The following CYP4A22 variants were observed in gnomAD, a reference collection of about 807,000 sequenced individuals.
CYP4A22 encodes cytochrome P450 4A22.
CYP4A22 carries 46 observed loss-of-function variants against 56.2 expected under a neutral mutation model. The ratio of observed to expected loss-of-function variants is 0.82; its 90% CI spans 0.65 to 1.05. The LOEUF (loss-of-function observed/expected upper bound fraction) is 1.05. CYP4A22 is among the 50% of genes least tolerant of loss of function. The pLI, the probability that CYP4A22 is intolerant of heterozygous loss-of-function variation, is 0.00. For synonymous variants in CYP4A22, 193 were observed against 251.1 expected, an observed-to-expected ratio of 0.77 and a Z score of 2.19; for missense variants, 541 against 645.9, an observed-to-expected ratio of 0.84 and a Z score of 1.76.
Position 47,140,853 on chromosome 1 carries a change from T to G in CYP4A22, c.269T>G (p.Ile90Arg), listed in dbSNP as rs745974402. The G allele has an allele frequency of 1.3e-5, 21 of 1,614,034 alleles. No homozygotes were observed. The highest frequency in any genetic ancestry group is 2.7e-5 in the African/African-American group (2 of 74,914). ...TTCCCAAGTGCCTGTCCTTATTGGA[T>G]ATGGGGAGGCAAAGTTCGTGTCCAG... The part of the protein sequence containing the change: ...KTFPSACPYW[I>R]WGGKVRVQLY... The change falls in exon 2 of 12, where the codon ATA becomes AGA. Residue 90 changes from isoleucine (I) to arginine (R), a missense_variant. This residue lies in a region of CYP4A22 where 335 missense variants were observed against 361.2 expected (regional missense o/e 0.93). Coordinates refer to ENST00000371891, the MANE Select transcript of CYP4A22 (RefSeq NM_001010969.4).
At chr1:47,146,539 C>A in intron 11 of CYP4A22, 1 of 1,098,558 alleles carries the variant, frequency 9.1e-7, no homozygotes, top group Non-Finnish European at 1.1e-6. Flanking sequence ...CTGTAGATTT[C>A]TCTCTCCCCA....
intron 3 of CYP4A22, 107 bp downstream of exon 3, chr1:47,141,722 C>T: frequency 1.4e-6 from 2 of 1,408,686 alleles, no homozygotes; most frequent in Non-Finnish European, 1.9e-6. Flanking sequence ...ATGACCTCAT[C>T]CCCAAATCAA....
rs778308717 is a variant in CYP4A22 at position 47,144,443 on chromosome 1, G to C, written c.877G>C (p.Asp293His). ...GAGGAAGAGGCACTTGGATTTTCTGGACATCCTCCTCTTGGCCAAAGTGAG... is the reference window on the plus strand; with the variant it reads ...GAGGAAGAGGCACTTGGATTTTCTGCACATCCTCCTCTTGGCCAAAGTGAG... ...IKRKRHLDFL[D>H]ILLLAKMENG... The change falls in exon 7 of 12, where the codon GAC becomes CAC. Residue 293 changes from aspartate to histidine, a missense_variant. Transcript: ENST00000371891. 9.9e-6 allele frequency: 16 copies of C among 1,613,866 alleles called. No individual in the cohort carries two copies. Among genetic ancestry groups the C allele is most frequent in the Non-Finnish European group, 1.2e-5 (14 of 1,179,868 alleles).
rs372302534 is a variant in CYP4A22, at chr1:47,143,268, G to T, written c.511-1G>T. ...AAGGTCCATGCCCCCTCCCACCACA[G>T]GACAAATGGGAAGAGCTCCTTGGCC... is the stretch of plus-strand genomic sequence containing the variant. On this transcript the variant is annotated splice_acceptor_variant, in intron 4 of 11. Transcript: ENST00000371891. LOFTEE classifies it high-confidence loss of function. 39 of 1,610,156 alleles carry T rather than the reference G, an allele frequency of 2.4e-5. No individual in the cohort carries two copies. The highest frequency in any genetic ancestry group is 3.1e-5 in the Non-Finnish European group (37 of 1,178,214).
chr1:47,141,232 C>T (rs904236361), intron 2 of CYP4A22, among the ~76,000 whole-genome samples: 5 of 152,134 alleles, frequency 3.3e-5, no homozygotes, highest in African/African-American at 9.7e-5. Context: ...ACTTGGGTTT[C>T]GAAGCTCTAA....
chr1:47,142,392 T>C (rs569385243), intron 4 of CYP4A22, among the ~76,000 whole-genome samples, 157 bp downstream of exon 4: 1 of 152,274 alleles, frequency 6.6e-6, no homozygotes, highest in African/African-American at 2.4e-5. Flanking sequence ...TCCCCAGAGT[T>C]GTATAAGGTA....
chr1:47,144,495 G>T (rs747949131), intron 7 of CYP4A22, 32 bp downstream of exon 7: 40 of 1,613,934 alleles, frequency 2.5e-5, no homozygotes, highest in Non-Finnish European at 3.4e-5. Context: ...CTGAGTCTTT[G>T]CCCAGAAGTA....
rs575417914 is a variant in CYP4A22, at chr1:47,137,697, T to C, written c.195+17T>C. The C allele has an allele frequency of 2.0e-5, 32 of 1,596,492 alleles. No homozygotes were observed. In the East Asian group the frequency reaches 7.2e-4, roughly 36 times the overall value. On this transcript the variant is annotated intron_variant, in intron 1 of 11. Coordinates refer to ENST00000371891, the MANE Select transcript of CYP4A22 (RefSeq NM_001010969.4). ...ATCCAGGAGGTAGGGAGGAACTCAG[T>C]GGGGGAGTGGGAGGGCAAGGAGGGA...
At chr1:47,143,578 G>A (rs906698638) in intron 5 of CYP4A22, among the ~76,000 whole-genome samples, 184 bp from the exon 6 acceptor site, 1 of 152,176 alleles carries the variant, frequency 6.6e-6, no homozygotes, top group Non-Finnish European at 1.5e-5. Context: ...TCCTAGCACA[G>A]GTGGACCCTG....
rs1351068577 is a variant in CYP4A22, at chr1:47,144,452, C to G, written c.886C>G (p.Leu296Val). The G allele has an allele frequency of 6.2e-7, 1 of 1,614,022 alleles. No homozygotes were observed. The highest frequency in any genetic ancestry group is 1.7e-5 in the Admixed American group (1 of 60,026). The change falls in exon 7 of 12, where the codon CTC (leucine) becomes GTC (valine). Residue 296 changes from leucine (L) to valine (V), a missense_variant. Physicochemically the swap from Leu to Val is conservative, Grantham distance 32. Transcript: ENST00000371891. ...KRHLDFLDIL[L>V]LAKMENGSIL... ...GCACTTGGATTTTCTGGACATCCTCCTCTTGGCCAAAGTGAGTATGTGTAG... is the reference window on the plus strand; with the variant it reads ...GCACTTGGATTTTCTGGACATCCTCGTCTTGGCCAAAGTGAGTATGTGTAG...
At chr1:47,138,756 G>A (rs1644973794) in intron 1 of CYP4A22, among the ~76,000 whole-genome samples, 1 of 152,222 alleles carries the variant, frequency 6.6e-6, no homozygotes, top group Non-Finnish European at 1.5e-5. Flanking sequence ...TAGAGGAACA[G>A]AGGAAGAAGA....
intron 9 of CYP4A22, among the ~76,000 whole-genome samples, chr1:47,145,196 C>G (rs531385290): frequency 6.6e-6 from 1 of 152,302 alleles, no homozygotes; most frequent in East Asian, 1.9e-4. Flanking sequence ...GGCCTTGGGT[C>G]AGTAACTGTA....
chr1:47,147,701 T>A (rs1017801139), intron 11 of CYP4A22, among the ~76,000 whole-genome samples: 2 of 152,032 alleles, frequency 1.3e-5, no homozygotes, highest in African/African-American at 2.4e-5. Context: ...GCCTTGAGGA[T>A]GTGGCAGGCA....
At chr1:47,146,197 G>T in intron 11 of CYP4A22, 44 bp downstream of exon 11, 1 of 1,614,056 alleles carries the variant, frequency 6.2e-7, no homozygotes, top group Non-Finnish European at 8.5e-7. Flanking sequence ...AATGAGGGAA[G>T]TCTCTGGTCA....
chr1:47,148,373 G>A (rs1312738462), intron 11 of CYP4A22, among the ~76,000 whole-genome samples: 2 of 152,248 alleles, frequency 1.3e-5, no homozygotes, highest in African/African-American at 4.8e-5. Flanking sequence ...AGCAGAGGTA[G>A]AAGGTAGGAG....
At chr1:47,146,743 T>G in intron 11 of CYP4A22, 4 of 988,524 alleles carry the variant, frequency 4.0e-6, no homozygotes, top group Non-Finnish European at 4.8e-6. Context: ...CATACATTTT[T>G]CTGTCTTGCC....
intron 4 of CYP4A22, among the ~76,000 whole-genome samples, chr1:47,142,993 C>G (rs1473863218): frequency 6.6e-6 from 1 of 152,202 alleles, no homozygotes; most frequent in Non-Finnish European, 1.5e-5. Context: ...TATGTCCTAA[C>G]TGAATCTCAA....
chr1:47,148,854 G>A lies in CYP4A22; in HGVS notation c.*57G>A, dbSNP rs1645103106. ...CCCCACTCCTATCTCCTGCCTGTCTGCCTCTGTCCTGCTTTCTGTCTGCCC... is the reference window on the plus strand; with the variant it reads ...CCCCACTCCTATCTCCTGCCTGTCTACCTCTGTCCTGCTTTCTGTCTGCCC... On this transcript the variant is annotated 3_prime_UTR_variant, in exon 12 of 12. Coordinates refer to ENST00000371891, the MANE Select transcript of CYP4A22 (RefSeq NM_001010969.4). 2.0e-6 allele frequency: 3 copies of A among 1,535,898 alleles called. No individual in the cohort carries two copies. The highest frequency in any genetic ancestry group is 1.4e-5 in the African/African-American group (1 of 72,454).
In CYP4A22 at chr1:47,142,118, G is replaced by C. The variant is rs759496666; in HGVS notation, c.393G>C (p.Leu131Phe). 6.2e-7 allele frequency: 1 copy of C among 1,612,128 alleles called. No homozygotes were observed. Among genetic ancestry groups the C allele is most frequent in the Non-Finnish European group, 8.5e-7 (1 of 1,179,194 alleles). Residue 131 changes from leucine to phenylalanine, a missense_variant, in exon 4 of 12, where the codon TTG becomes TTC. Leu to Phe is a conservative substitution (Grantham distance 22). This residue lies in a region of CYP4A22 where 335 missense variants were observed against 361.2 expected (regional missense o/e 0.93). Transcript: ENST00000371891. ...TCGTGTCTACCTTAGGGTACGGCTT[G>C]CTCCTGTTGAATGGGCAGACATGGT... ...KFLAPRIGYG[L>F]LLLNGQTWFQ...
Sources: allele counts gnomAD v4.1 joint callset (sites outside exome capture counted in the v4.1 genomes callset), GRCh38; gene constraint gnomAD v4.1.1; regional missense constraint gnomAD v4.1.1; transcripts MANE v1.5; gene names NCBI Gene and HGNC (gene_info 2026-07-23, HGNC 2026-07-21).